AUTS2: variants seen among roughly 807,000 people sequenced by gnomAD.
The protein encoded by AUTS2 is autism susceptibility gene 2 protein.
A neutral mutation model predicts 112.4 loss-of-function variants in AUTS2; 17 were observed. That is an observed-to-expected ratio of 0.15 (90% CI 0.10 to 0.23). The LOEUF is 0.23. AUTS2 is among the 10% of genes least tolerant of loss of function. The pLI, the probability that AUTS2 is intolerant of heterozygous loss-of-function variation, is 1.00. For missense variants in AUTS2, 1,510 were observed against 1,701.6 expected, an observed-to-expected ratio of 0.89 and a Z score of 1.98; for synonymous variants, 751 against 702.7, an observed-to-expected ratio of 1.07 and a Z score of -1.09.
intron 5 of AUTS2, among the ~76,000 whole-genome samples, chr7:70,501,724 C>T (rs1190482544): frequency 6.6e-6 from 1 of 152,062 alleles, no homozygotes; most frequent in Admixed American, 6.5e-5. Flanking sequence ...CCTTTCTCCA[C>T]AACACAAACA....
chr7:69,747,730 GTGTA>G (rs974723010), intron 1 of AUTS2, among the ~76,000 whole-genome samples: 1 of 150,970 alleles, frequency 6.6e-6, no homozygotes, highest in Admixed American at 6.6e-5. Context: ...CATTGTGTGT[GTGTA>G]TGTGTGTGTG....
intron 1 of AUTS2, among the ~76,000 whole-genome samples, chr7:69,778,056 C>G (rs1035368712): frequency 6.6e-6 from 1 of 152,032 alleles, no homozygotes; most frequent in Non-Finnish European, 1.5e-5. Flanking sequence ...CAGTTCTTGA[C>G]TTTGAGAACC....
chr7:70,708,852 T>C (rs1388147809), intron 6 of AUTS2, among the ~76,000 whole-genome samples: 3 of 152,156 alleles, frequency 2.0e-5, no homozygotes, highest in African/African-American at 7.2e-5. Flanking sequence ...TAAAGATCTG[T>C]ACATCACCTA....
chr7:69,972,180 G>A (rs1045750541), intron 2 of AUTS2, among the ~76,000 whole-genome samples: 7 of 152,042 alleles, frequency 4.6e-5, no homozygotes, highest in African/African-American at 1.4e-4. Flanking sequence ...TTTAATTTGC[G>A]TTTCCCTAAT....
At position 69,846,319 on chromosome 7, in the gene AUTS2, T is replaced by C. The variant is rs1676690071; in HGVS notation, c.310-52967T>C. Among the ~76,000 whole-genome samples the C allele has an allele frequency of 2.0e-5, 3 of 152,214 alleles. No individual in the cohort carries two copies. In the South Asian group the frequency reaches 6.2e-4, roughly 32 times the overall value. On this transcript the variant is annotated intron_variant, in intron 1 of 18. Coordinates refer to ENST00000342771, the MANE Select transcript of AUTS2 (RefSeq NM_015570.4). ...GGCAGTCTTATTACTTTGTGGCTTT[T>C]GTTGGGTTTGCAGTCATCCAGAATT... is the stretch of plus-strand genomic sequence containing the variant.
intron 14 of AUTS2, among the ~76,000 whole-genome samples, chr7:70,778,460 T>C (rs571465355): frequency 2.0e-4 from 30 of 152,148 alleles, no homozygotes; most frequent in African/African-American, 7.0e-4. Context: ...GGTTACGTGA[T>C]TTTTAAAATA....
intron 12 of AUTS2, 28 bp downstream of exon 12, chr7:70,774,127 G>A: frequency 6.2e-7 from 1 of 1,608,720 alleles, no homozygotes; most frequent in Middle Eastern, 1.7e-4. Flanking sequence ...CTTGGTCTCA[G>A]GTAACACCAG....
chr7:70,284,129 G>C (rs1352570799), intron 4 of AUTS2, among the ~76,000 whole-genome samples: 2 of 152,146 alleles, frequency 1.3e-5, no homozygotes, highest in Non-Finnish European at 2.9e-5. Flanking sequence ...AACAATACTG[G>C]ATGTCATATA....
At chr7:70,221,122 G>A (rs1301871792) in intron 4 of AUTS2, among the ~76,000 whole-genome samples, 1 of 152,126 alleles carries the variant, frequency 6.6e-6, no homozygotes, top group African/African-American at 2.4e-5. Context: ...TGCCCAGAGT[G>A]GTCTCAAACT....
intron 4 of AUTS2, among the ~76,000 whole-genome samples, chr7:70,186,752 T>G (rs1809626470): frequency 6.6e-6 from 1 of 152,110 alleles, no homozygotes; most frequent in Non-Finnish European, 1.5e-5. Flanking sequence ...GCATTTTTAG[T>G]AGAGATGAGG....
chr7:70,319,796 G>A (rs1311755849), intron 4 of AUTS2, among the ~76,000 whole-genome samples: 1 of 152,218 alleles, frequency 6.6e-6, no homozygotes, highest in Non-Finnish European at 1.5e-5. Context: ...TTACATGGTA[G>A]TGACTTCATC....
intron 4 of AUTS2, among the ~76,000 whole-genome samples, chr7:70,371,415 C>G (rs1225422236): frequency 6.6e-6 from 1 of 152,166 alleles, no homozygotes; most frequent in Non-Finnish European, 1.5e-5. Flanking sequence ...GACCTGTAAG[C>G]TTTTCTGAGA....
At chr7:69,967,802 A>G (rs939062498) in intron 2 of AUTS2, among the ~76,000 whole-genome samples, 2 of 152,174 alleles carry the variant, frequency 1.3e-5, no homozygotes, top group East Asian at 1.9e-4. Context: ...GTATGCAGAG[A>G]AGGTAAGTCA....
At chr7:70,472,405 T>G (rs914435403) in intron 5 of AUTS2, among the ~76,000 whole-genome samples, 5 of 150,720 alleles carry the variant, frequency 3.3e-5, no homozygotes, top group African/African-American at 1.2e-4. Flanking sequence ...ACTTATAATC[T>G]CAGATCATGG....
chr7:70,353,704 T>C (rs1182200647), intron 4 of AUTS2, among the ~76,000 whole-genome samples: 2 of 152,226 alleles, frequency 1.3e-5, no homozygotes, highest in African/African-American at 4.8e-5. Context: ...CTTGAGTCTT[T>C]TCTCTGAGCA....
chr7:70,430,093 G>A (rs1038351089), intron 4 of AUTS2, among the ~76,000 whole-genome samples: 4 of 152,162 alleles, frequency 2.6e-5, no homozygotes, highest in Non-Finnish European at 4.4e-5. Context: ...CTGAACTAAC[G>A]CAGTAGCCAT....
At chr7:69,705,387 C>T (rs1352435177) in intron 1 of AUTS2, among the ~76,000 whole-genome samples, 5 of 152,036 alleles carry the variant, frequency 3.3e-5, no homozygotes, top group East Asian at 3.9e-4. Context: ...AAATAATAGG[C>T]GGTTTATAAG....
intron 3 of AUTS2, among the ~76,000 whole-genome samples, chr7:70,121,785 C>G (rs1805694784): frequency 6.6e-6 from 1 of 152,122 alleles, no homozygotes; most frequent in Non-Finnish European, 1.5e-5. Context: ...CCTCAAAAAG[C>G]TGAAACATAT....
At chr7:70,367,674 A>G (rs1792646623) in intron 4 of AUTS2, among the ~76,000 whole-genome samples, 1 of 152,208 alleles carries the variant, frequency 6.6e-6, no homozygotes, top group Admixed American at 6.5e-5. Context: ...AATATTCATC[A>G]AAGGAAGCAG....
Sources: allele counts gnomAD v4.1 joint callset (sites outside exome capture counted in the v4.1 genomes callset), GRCh38; gene constraint gnomAD v4.1.1; transcripts MANE v1.5; gene names NCBI Gene and HGNC (gene_info 2026-07-23, HGNC 2026-07-21).